HS3ST5: variants seen among roughly 807,000 people sequenced by gnomAD.
The protein encoded by HS3ST5 is heparan sulfate-glucosamine 3-sulfotransferase 5, also known as heparan sulfate glucosamine 3-O-sulfotransferase 5.
A neutral mutation model predicts 25.4 loss-of-function variants in HS3ST5; 10 were observed. That is an observed-to-expected ratio of 0.39 (90% CI 0.24 to 0.67). The LOEUF (loss-of-function observed/expected upper bound fraction) is 0.67. Ranked by LOEUF, HS3ST5 falls within the 30% of genes least tolerant of loss-of-function variation. HS3ST5 has a pLI of 0.44. For missense variants in HS3ST5, 324 were observed against 420.7 expected, an observed-to-expected ratio of 0.77 and a Z score of 2.01; for synonymous variants, 170 against 162.4, an observed-to-expected ratio of 1.05 and a Z score of -0.36.
intron 2 of HS3ST5, among the ~76,000 whole-genome samples, chr6:114,200,799 TAAC>T (rs1780977666): frequency 6.6e-6 from 1 of 152,140 alleles, no homozygotes; most frequent in African/African-American, 2.4e-5. Context: ...AGAGACAAAA[TAAC>T]AAGTTTCTTT....
At chr6:114,157,594 T>C (rs1778757962) in intron 3 of HS3ST5, among the ~76,000 whole-genome samples, 1 of 152,194 alleles carries the variant, frequency 6.6e-6, no homozygotes, top group Non-Finnish European at 1.5e-5. Flanking sequence ...CTTATAACAA[T>C]AAATGATAAG....
intron 3 of HS3ST5, among the ~76,000 whole-genome samples, chr6:114,127,447 A>G (rs1159419719): frequency 6.6e-6 from 1 of 152,186 alleles, no homozygotes; most frequent in African/African-American, 2.4e-5. Context: ...CAAATTTCTT[A>G]CCACTGAGAA....
Position 114,129,717 on chromosome 6 carries a change from G to A in HS3ST5, c.-33+38634C>T, listed in dbSNP as rs149596329. Among the ~76,000 whole-genome samples, 523 of 152,330 alleles carry A rather than the reference G, an allele frequency of 3.4e-3. 2 individuals are homozygous for A. Among genetic ancestry groups the A allele is most frequent in the African/African-American group, 0.012 (501 of 41,568 alleles). The stretch of plus-strand genomic sequence containing the variant: ...AGCTATTAAGTAGAAGGTTTTGCTA[G>A]TATTTTTTATGTAATTGCAATCGTG... On this transcript the variant is annotated intron_variant, in intron 3 of 4. Coordinates refer to ENST00000312719, the MANE Select transcript of HS3ST5 (RefSeq NM_153612.4).
At chr6:114,282,139 G>A (rs1477371261) in intron 1 of HS3ST5, 1 of 152,000 alleles carries the variant, frequency 6.6e-6, no homozygotes, top group Non-Finnish European at 1.5e-5. Context: ...TTGGAAACCT[G>A]TAAGTATCTT....
At chr6:114,177,458 C>G (rs1779777351) in intron 2 of HS3ST5, among the ~76,000 whole-genome samples, 1 of 152,130 alleles carries the variant, frequency 6.6e-6, no homozygotes, top group African/African-American at 2.4e-5. Flanking sequence ...TTTGCTAATG[C>G]AAAGCAAAGC....
chr6:114,169,508 G>A lies in HS3ST5; in HGVS notation c.-144-1046C>T, dbSNP rs140131243. On this transcript the variant is annotated intron_variant, in intron 2 of 4. Transcript: ENST00000312719. ...CATCGTTCTAGAGAAATCAGAGAGA[G>A]AGTAGAAAAAAACACATCCAGCTAT... is the stretch of plus-strand genomic sequence containing the variant. Among the ~76,000 whole-genome samples, 18 of 152,184 alleles carry A rather than the reference G, an allele frequency of 1.2e-4. No homozygotes were observed. The South Asian group carries it at 1.7e-3, about 14-fold the overall frequency.
At chr6:114,151,311 C>T (rs1409447959) in intron 3 of HS3ST5, among the ~76,000 whole-genome samples, 1 of 152,178 alleles carries the variant, frequency 6.6e-6, no homozygotes, top group African/African-American at 2.4e-5. Flanking sequence ...CTAAGATGTT[C>T]TCATTATATG....
At chr6:114,291,803 C>CT (rs1774590114) in intron 1 of HS3ST5, among the ~76,000 whole-genome samples, 1 of 152,138 alleles carries the variant, frequency 6.6e-6, no homozygotes, top group Non-Finnish European at 1.5e-5. Context: ...ATGTAAAGCT[C>CT]TAGGGCCTTG....
intron 1 of HS3ST5, among the ~76,000 whole-genome samples, chr6:114,301,324 C>G (rs911099233): frequency 6.6e-6 from 1 of 152,118 alleles, no homozygotes; most frequent in Non-Finnish European, 1.5e-5. Context: ...AAAGGTCATT[C>G]ATAGGACACA....
chr6:114,287,679 A>G (rs1349188458), intron 1 of HS3ST5, among the ~76,000 whole-genome samples: 1 of 152,020 alleles, frequency 6.6e-6, no homozygotes, highest in Non-Finnish European at 1.5e-5. Flanking sequence ...GAAGCCTGAA[A>G]CAAAGAACAC....
At chr6:114,336,202 T>C (rs1027218611) in intron 1 of HS3ST5, among the ~76,000 whole-genome samples, 1 of 152,220 alleles carries the variant, frequency 6.6e-6, no homozygotes, top group African/African-American at 2.4e-5. Flanking sequence ...GCAGTATCAA[T>C]TACTACTTTC....
intron 1 of HS3ST5, among the ~76,000 whole-genome samples, chr6:114,255,079 G>A (rs1033692244): frequency 3.3e-5 from 5 of 152,254 alleles, no homozygotes; most frequent in Admixed American, 6.5e-5. Flanking sequence ...CCACATATGA[G>A]CCTGTAAAAT....
At chr6:114,098,640 T>C (rs1156861613) in intron 3 of HS3ST5, among the ~76,000 whole-genome samples, 1 of 151,422 alleles carries the variant, frequency 6.6e-6, no homozygotes, top group Non-Finnish European at 1.5e-5. Flanking sequence ...AAATACTTGA[T>C]GAATGGGCAT....
intron 3 of HS3ST5, among the ~76,000 whole-genome samples, chr6:114,123,940 A>G (rs1319441361): frequency 2.0e-5 from 3 of 152,156 alleles, no homozygotes; most frequent in African/African-American, 4.8e-5. Context: ...CAAGAATTAT[A>G]TAAGGATACC....
intron 2 of HS3ST5, among the ~76,000 whole-genome samples, chr6:114,174,105 C>T (rs1276951835): frequency 6.6e-6 from 1 of 151,924 alleles, no homozygotes; most frequent in Non-Finnish European, 1.5e-5. Context: ...CTCTACCCTG[C>T]CTGGCCCATT....
chr6:114,265,094 AG>A (rs1341887294), intron 1 of HS3ST5, among the ~76,000 whole-genome samples: 5 of 152,042 alleles, frequency 3.3e-5, no homozygotes, highest in Non-Finnish European at 5.9e-5. Flanking sequence ...TGTGTTGTCC[AG>A]GTTGTTCTCA....
intron 3 of HS3ST5, among the ~76,000 whole-genome samples, chr6:114,105,137 T>G (rs947515869): frequency 6.6e-6 from 1 of 152,146 alleles, no homozygotes; most frequent in Non-Finnish European, 1.5e-5. Flanking sequence ...GAATGAACAC[T>G]TTTGCTTGCT....
intron 3 of HS3ST5, among the ~76,000 whole-genome samples, chr6:114,065,329 G>A (rs748526064): frequency 3.9e-5 from 6 of 152,226 alleles, no homozygotes; most frequent in Non-Finnish European, 4.4e-5. Context: ...CCAATCTCCT[G>A]TCTACAGGTT....
At chr6:114,094,179 T>C (rs1154898) in intron 3 of HS3ST5, among the ~76,000 whole-genome samples, 38,186 of 152,132 alleles carry the variant, frequency 0.25, 4,916 homozygotes, top group African/African-American at 0.3. Flanking sequence ...AGAAGACGAC[T>C]GGATATAATA....
Sources: allele counts gnomAD v4.1 joint callset (sites outside exome capture counted in the v4.1 genomes callset), GRCh38; gene constraint gnomAD v4.1.1; transcripts MANE v1.5; gene names NCBI Gene and HGNC (gene_info 2026-07-23, HGNC 2026-07-21).